Variants in UNC13C observed in about 807,000 individuals in gnomAD.
UNC13C encodes the protein unc-13 homolog C.
In UNC13C, 174 loss-of-function variants were observed where a neutral mutation model predicts 245.4. The observed-to-expected ratio is 0.71, with a 90% confidence interval of 0.63 to 0.80. The LOEUF (loss-of-function observed/expected upper bound fraction) is 0.80. Ranked by LOEUF, UNC13C falls within the 30% of genes least tolerant of loss-of-function variation. UNC13C has a pLI of 0.00. For missense variants in UNC13C, 2,829 were observed against 2,602.9 expected (o/e 1.09, Z -1.89); for synonymous variants, 992 against 895.1 (o/e 1.11, Z -1.93).
chr15:54,346,687 G>C (rs2038866716), intron 17 of UNC13C, among the ~76,000 whole-genome samples: 1 of 152,204 alleles, frequency 6.6e-6, no homozygotes, highest in African/African-American at 2.4e-5. Context: ...GGCTGGCTCT[G>C]CACTCGGTAG....
At chr15:54,396,273 G>A (rs2040067771) in intron 18 of UNC13C, among the ~76,000 whole-genome samples, 1 of 151,524 alleles carries the variant, frequency 6.6e-6, no homozygotes, top group Non-Finnish European at 1.5e-5. Flanking sequence ...ACCATCCCCA[G>A]GCAATGCCCC....
At chr15:54,289,155 A>G (rs1419056504) in intron 10 of UNC13C, among the ~76,000 whole-genome samples, 3 of 152,042 alleles carry the variant, frequency 2.0e-5, no homozygotes, top group Non-Finnish European at 4.4e-5. Context: ...GTCAATTTAT[A>G]TTGCAGGACA....
At chr15:54,277,345 T>C (rs1399322988) in intron 10 of UNC13C, among the ~76,000 whole-genome samples, 1 of 152,198 alleles carries the variant, frequency 6.6e-6, no homozygotes, top group South Asian at 2.1e-4. Context: ...GTTAAAGCAC[T>C]AAAATAAGAA....
At chr15:54,043,632 T>G (rs1896906128) in intron 2 of UNC13C, among the ~76,000 whole-genome samples, 1 of 152,204 alleles carries the variant, frequency 6.6e-6, no homozygotes, top group African/African-American at 2.4e-5. Context: ...GGGAAACAGG[T>G]TTCTACTCTT....
chr15:54,098,327 A>T (rs1243720867), intron 2 of UNC13C, among the ~76,000 whole-genome samples: 1 of 152,224 alleles, frequency 6.6e-6, no homozygotes, highest in South Asian at 2.1e-4. Flanking sequence ...GGCAAGTGCC[A>T]CCACGCCTGG....
At chr15:54,454,406 G>A (rs1471411437) in intron 19 of UNC13C, among the ~76,000 whole-genome samples, 4 of 151,936 alleles carry the variant, frequency 2.6e-5, no homozygotes, top group Admixed American at 1.3e-4. Context: ...GTGAAACCCC[G>A]TCTCTACTAA....
At chr15:54,373,955 T>A (rs942713279) in intron 17 of UNC13C, among the ~76,000 whole-genome samples, 3 of 152,038 alleles carry the variant, frequency 2.0e-5, no homozygotes, top group Admixed American at 1.3e-4. Flanking sequence ...AGGCAGGCCA[T>A]CCTGTCAAGG....
intron 8 of UNC13C, among the ~76,000 whole-genome samples, chr15:54,261,474 T>C (rs2036422490): frequency 6.6e-6 from 1 of 152,256 alleles, no homozygotes; most frequent in African/African-American, 2.4e-5. Context: ...CAATCTAAGA[T>C]GAATAATTTT....
intron 4 of UNC13C, among the ~76,000 whole-genome samples, chr15:54,172,132 G>A (rs1567066410): frequency 6.6e-6 from 1 of 151,978 alleles, no homozygotes; most frequent in Non-Finnish European, 1.5e-5. Context: ...GGGGGAGTGG[G>A]AATGGTTAAT....
chr15:54,491,307 A>T (rs908519502), intron 19 of UNC13C, among the ~76,000 whole-genome samples: 1 of 152,202 alleles, frequency 6.6e-6, no homozygotes, highest in South Asian at 2.1e-4. Flanking sequence ...ATAATTTATA[A>T]ATCTAACTAA....
intron 30 of UNC13C, among the ~76,000 whole-genome samples, chr15:54,595,222 G>A (rs187063925): frequency 2.0e-5 from 3 of 152,176 alleles, no homozygotes; most frequent in Admixed American, 1.3e-4. Flanking sequence ...ATCTCCCTGA[G>A]CAACCTGTGG....
At position 54,520,699 on chromosome 15, in the gene UNC13C, A is replaced by G. The variant is rs185705672; in HGVS notation, c.5458-4850A>G. Among the ~76,000 whole-genome samples, 345 of 152,094 alleles carry G rather than the reference A, an allele frequency of 2.3e-3. 1 individual carries two copies. Among genetic ancestry groups the G allele is most frequent in the Non-Finnish European group, 3.6e-3 (245 of 68,002 alleles). On this transcript the variant is annotated intron_variant, in intron 24 of 32. Transcript: ENST00000260323. ...GAAGCAGGGAAGGACCTTGGGAAAC[A>G]GAGCAAACAACAGTATGAATGAAGG...
downstream of UNC13C, chr15:54,629,806 T>TTTAA (rs1901412282): frequency 6.6e-6 from 1 of 152,208 alleles, no homozygotes; most frequent in African/African-American, 2.4e-5. Flanking sequence ...CCCTGACATG[T>TTTAA]TTAATTGCAT....
the UNC13C span, among the ~76,000 whole-genome samples, chr15:53,953,415 T>C: frequency 6.6e-6 from 1 of 152,148 alleles, no homozygotes. Context: ...GCAATGAGTC[T>C]CCAACTTCTG....
At chr15:54,324,962 G>A (rs1246142423) in intron 14 of UNC13C, among the ~76,000 whole-genome samples, 1 of 151,954 alleles carries the variant, frequency 6.6e-6, no homozygotes, top group Non-Finnish European at 1.5e-5. Flanking sequence ...TGAGACTTAT[G>A]CATGATTTTT....
At chr15:54,388,043 A>C (rs1893752065) in intron 17 of UNC13C, among the ~76,000 whole-genome samples, 1 of 152,062 alleles carries the variant, frequency 6.6e-6, no homozygotes, top group South Asian at 2.1e-4. Flanking sequence ...AGACCTCCTC[A>C]TTTCTAGAGC....
At chr15:54,522,937 T>A (rs1895284922) in intron 24 of UNC13C, among the ~76,000 whole-genome samples, 1 of 152,184 alleles carries the variant, frequency 6.6e-6, no homozygotes, top group Admixed American at 6.5e-5. Context: ...TAACTCTAAA[T>A]AACAATACAA....
the UNC13C span, among the ~76,000 whole-genome samples, chr15:53,901,899 A>T: frequency 6.6e-6 from 1 of 152,168 alleles, no homozygotes; most frequent in African/African-American, 2.4e-5. Flanking sequence ...TTATCTCAGC[A>T]GACCACTTTT....
intron 24 of UNC13C, chr15:54,512,321 A>G (rs777740706): frequency 4.4e-6 from 2 of 455,802 alleles, no homozygotes; most frequent in African/African-American, 4.0e-5. Context: ...TTTGTCCAAC[A>G]TCTTTGACTT....
Sources: gnomAD v4.1 joint callset for allele counts (sites outside exome capture counted in the v4.1 genomes callset) on GRCh38, gnomAD v4.1.1 for gene constraint, MANE v1.5 for transcripts, NCBI Gene and HGNC (gene_info 2026-07-23, HGNC 2026-07-21) for gene names.